The following TASP1 variants were observed in gnomAD, a reference collection of about 807,000 sequenced individuals.
TASP1 encodes the protein taspase 1.
A neutral mutation model predicts 56.6 loss-of-function variants in TASP1; 16 were observed. That is an observed-to-expected ratio of 0.28 (90% CI 0.19 to 0.43). TASP1 has a LOEUF of 0.43. Among genes scored for constraint, TASP1 ranks in the 20% least tolerant of loss-of-function variants. The pLI, the probability that TASP1 is intolerant of heterozygous loss-of-function variation, is 1.00. For missense variants in TASP1, 393 were observed against 511.6 expected, an observed-to-expected ratio of 0.77 and a Z score of 2.24; for synonymous variants, 179 against 184.2, an observed-to-expected ratio of 0.97 and a Z score of 0.23.
At chr20:13,615,038 A>G (rs559646798) in intron 4 of TASP1, among the ~76,000 whole-genome samples, 10 of 152,332 alleles carry the variant, frequency 6.6e-5, no homozygotes. Flanking sequence ...AATTATAATA[A>G]TTTAAACCAT....
the TASP1 span, chr20:13,165,962 T>C: frequency 1.8e-4 from 28 of 152,460 alleles, no homozygotes; most frequent in African/African-American, 6.5e-4. Flanking sequence ...ACTTGTGTTC[T>C]CTCTTTCTTG....
intron 12 of TASP1, among the ~76,000 whole-genome samples, chr20:13,418,778 GA>G (rs2042343353): frequency 1.3e-5 from 2 of 152,200 alleles, no homozygotes; most frequent in Non-Finnish European, 2.9e-5. Context: ...TGTGCCTTTT[GA>G]TAAGATACCT....
At chr20:13,223,111 C>A in the TASP1 span, among the ~76,000 whole-genome samples, 7 of 151,232 alleles carry the variant, frequency 4.6e-5, no homozygotes, top group Non-Finnish European at 1.0e-4. Context: ...GAGCTGAGAT[C>A]GCGCCACTGC....
intron 12 of TASP1, among the ~76,000 whole-genome samples, chr20:13,430,433 G>A (rs936525882): frequency 2.0e-5 from 3 of 152,140 alleles, no homozygotes; most frequent in African/African-American, 7.2e-5. Context: ...CTCTGAGGCC[G>A]TTGGCAGGAA....
intron 10 of TASP1, among the ~76,000 whole-genome samples, chr20:13,497,394 G>C (rs558606909): frequency 6.6e-6 from 1 of 152,338 alleles, no homozygotes; most frequent in South Asian, 2.1e-4. Context: ...TGTGAGACCA[G>C]AGTGGTAAGA....
intron 10 of TASP1, among the ~76,000 whole-genome samples, chr20:13,483,634 C>T (rs1270635654): frequency 6.6e-6 from 1 of 152,054 alleles, no homozygotes; most frequent in Non-Finnish European, 1.5e-5. Flanking sequence ...AAAAAATCCC[C>T]CTAAAAAATA....
intron 12 of TASP1, among the ~76,000 whole-genome samples, chr20:13,432,112 G>A (rs768295820): frequency 2.0e-5 from 3 of 152,186 alleles, no homozygotes; most frequent in Non-Finnish European, 4.4e-5. Context: ...TAGTTGAAGT[G>A]GTGAGGAATG....
At chr20:13,623,332 G>T (rs927554055) in intron 4 of TASP1, 114 bp downstream of exon 4, 47 of 759,996 alleles carry the variant, frequency 6.2e-5, no homozygotes, top group Non-Finnish European at 8.3e-5. Context: ...GCTAATATTG[G>T]TGGGAAACAC....
the TASP1 span, chr20:13,299,022 C>T: frequency 6.2e-7 from 1 of 1,613,680 alleles, no homozygotes; most frequent in Non-Finnish European, 8.5e-7. This position sits in a 1 kb window ranked among gnomAD's most constrained non-coding sequence, Gnocchi z 5.8. Context: ...GAATGACCTG[C>T]CCAGCTGCCC....
At chr20:13,233,733 C>T in the TASP1 span, among the ~76,000 whole-genome samples, 7 of 152,086 alleles carry the variant, frequency 4.6e-5, no homozygotes, top group African/African-American at 7.2e-5. Flanking sequence ...ATAGGATTCT[C>T]ATTATGAGGG....
the TASP1 span, among the ~76,000 whole-genome samples, chr20:13,355,766 G>C: frequency 6.6e-6 from 1 of 152,202 alleles, no homozygotes; most frequent in Admixed American, 6.5e-5. Context: ...CATATAGCTA[G>C]GGATCTGATG....
At chr20:13,197,073 C>A in the TASP1 span, among the ~76,000 whole-genome samples, 319 of 152,338 alleles carry the variant, frequency 2.1e-3, 2 homozygotes, top group East Asian at 0.019. Flanking sequence ...TCTATAGTAA[C>A]TCCACCTCAT....
chr20:13,108,736 A>G, the TASP1 span, among the ~76,000 whole-genome samples: 6 of 151,958 alleles, frequency 3.9e-5, no homozygotes, highest in South Asian at 2.1e-4. Flanking sequence ...CACCATACCC[A>G]CTTAATTTTT....
At chr20:13,505,956 C>T (rs1221928834) in intron 10 of TASP1, among the ~76,000 whole-genome samples, 2 of 151,668 alleles carry the variant, frequency 1.3e-5, no homozygotes, top group South Asian at 4.2e-4. Context: ...TAGAAAAGAT[C>T]AACAAAACCA....
chr20:13,223,168 A>AT, the TASP1 span, among the ~76,000 whole-genome samples: 67 of 128,202 alleles, frequency 5.2e-4, no homozygotes, highest in African/African-American at 2.2e-3. Flanking sequence ...AAAAAAAAAT[A>AT]AAATAAAATA....
In TASP1 at chr20:13,556,384, T is replaced by G. The variant is rs566909042; in HGVS notation, c.675+2624A>C. ...TAGTCTCCCAACTTCTACTCTTACCTCCCCCTTGGACTGATTATTCACATA... is the reference window on the plus strand; with the variant it reads ...TAGTCTCCCAACTTCTACTCTTACCGCCCCCTTGGACTGATTATTCACATA... On this transcript the variant is annotated intron_variant, in intron 8 of 13. Coordinates refer to ENST00000337743, the MANE Select transcript of TASP1 (RefSeq NM_017714.3). Among the ~76,000 whole-genome samples the G allele has an allele frequency of 2.0e-5, 3 of 152,140 alleles. No individual in the cohort carries two copies. In the South Asian group the frequency reaches 6.2e-4, roughly 32 times the overall value.
intron 2 of TASP1, among the ~76,000 whole-genome samples, chr20:13,627,598 A>G (rs969342584): frequency 6.6e-6 from 1 of 152,060 alleles, no homozygotes; most frequent in Non-Finnish European, 1.5e-5. Context: ...TAAACATACA[A>G]AAATTAGCCG....
At chr20:13,588,309 GA>G (rs2047393622) in intron 4 of TASP1, among the ~76,000 whole-genome samples, 63 of 109,196 alleles carry the variant, frequency 5.8e-4, no homozygotes, top group African/African-American at 1.0e-3. Context: ...AAGGAAGGAA[GA>G]GAAAGAAAAG....
At chr20:13,539,216 G>T (rs1043514525) in intron 8 of TASP1, among the ~76,000 whole-genome samples, 1 of 152,146 alleles carries the variant, frequency 6.6e-6, no homozygotes, top group African/African-American at 2.4e-5. Context: ...CTATAGTCAA[G>T]ATGTCTATTC....
Sources: gnomAD v4.1 joint callset for allele counts (sites outside exome capture counted in the v4.1 genomes callset) on GRCh38, gnomAD v4.1.1 for gene constraint, Gnocchi (gnomAD v3.1) non-coding constraint, MANE v1.5 for transcripts, NCBI Gene and HGNC (gene_info 2026-07-23, HGNC 2026-07-21) for gene names.